EYS: variants seen among roughly 807,000 people sequenced by gnomAD.
The protein encoded by EYS is protein eyes shut homolog.
A neutral mutation model predicts 282.1 loss-of-function variants in EYS; 250 were observed. The ratio of observed to expected loss-of-function variants is 0.89; its 90% CI spans 0.80 to 0.98. The LOEUF (loss-of-function observed/expected upper bound fraction) is 0.98. EYS is among the 50% of genes least tolerant of loss of function. The pLI is 0.00. For missense variants in EYS, 4,016 were observed against 3,709.0 expected, an observed-to-expected ratio of 1.08 and a Z score of -2.15; for synonymous variants, 1,355 against 1,282.9, an observed-to-expected ratio of 1.06 and a Z score of -1.20.
chr6:64,942,476 A>G (rs372741424), intron 15 of EYS, among the ~76,000 whole-genome samples: 32 of 144,696 alleles, frequency 2.2e-4, no homozygotes, highest in African/African-American at 7.0e-4. Flanking sequence ...CACTGTCTAC[A>G]TTAACAAAGA....
chr6:64,468,998 T>C (rs1776023755), intron 26 of EYS, among the ~76,000 whole-genome samples: 1 of 152,228 alleles, frequency 6.6e-6, no homozygotes, highest in East Asian at 1.9e-4. Flanking sequence ...GGATGATTTA[T>C]ACTCCTTTGG....
chr6:64,132,578 A>G (rs1320911408), intron 31 of EYS, among the ~76,000 whole-genome samples: 1 of 152,016 alleles, frequency 6.6e-6, no homozygotes, highest in Admixed American at 6.6e-5. Flanking sequence ...TTATAGGGTG[A>G]AAGAAAGTGT....
intron 26 of EYS, among the ~76,000 whole-genome samples, chr6:64,531,569 T>TTTTATTTTATTTTA (rs1764339530): frequency 6.8e-6 from 1 of 146,692 alleles, no homozygotes; most frequent in Non-Finnish European, 1.5e-5. Flanking sequence ...TTTTATTTTA[T>TTTTATTTTATTTTA]TTTATTTTAT....
At chr6:65,311,355 T>C (rs1045637577) in intron 11 of EYS, among the ~76,000 whole-genome samples, 9 of 152,166 alleles carry the variant, frequency 5.9e-5, no homozygotes, top group Admixed American at 5.2e-4. Flanking sequence ...ATAGACCCAC[T>C]ACTCATATTT....
At position 63,811,200 on chromosome 6, in the gene EYS, C is replaced by T. The variant is rs117210805; in HGVS notation, c.7229-4828G>A. ...AGCTACTGCATGTTTCTCTGCTCAACATACTATCAAGGGGCTTCTAGAGAG... is the reference window on the plus strand; with the variant it reads ...AGCTACTGCATGTTTCTCTGCTCAATATACTATCAAGGGGCTTCTAGAGAG... On this transcript the variant is annotated intron_variant, in intron 36 of 42. Coordinates refer to ENST00000503581, the MANE Select transcript of EYS (RefSeq NM_001142800.2). 1.3e-3 allele frequency among the ~76,000 whole-genome samples: 195 copies of T among 152,364 alleles called. 7 individuals are homozygous for T. In the East Asian group the frequency reaches 0.034, roughly 26 times the overall value.
intron 33 of EYS, among the ~76,000 whole-genome samples, chr6:64,050,528 G>A (rs964288726): frequency 7.2e-5 from 11 of 152,126 alleles, no homozygotes; most frequent in African/African-American, 2.2e-4. Flanking sequence ...TTGTTTCAGT[G>A]TTATCCTAAA....
intron 2 of EYS, among the ~76,000 whole-genome samples, chr6:65,507,584 T>A (rs1255568282): frequency 1.3e-5 from 2 of 152,112 alleles, no homozygotes; most frequent in African/African-American, 4.8e-5. Context: ...TTTTTGAAAT[T>A]GTCCCACAGT....
In EYS at chr6:65,414,585, T is replaced by A. The variant is rs980813067; in HGVS notation, c.863-9218A>T. 9.9e-5 allele frequency among the ~76,000 whole-genome samples: 15 copies of A among 152,258 alleles called. No individual in the cohort carries two copies. In the East Asian group the frequency reaches 2.3e-3, roughly 24 times the overall value. On this transcript the variant is annotated intron_variant, in intron 5 of 42. Transcript: ENST00000503581. The stretch of plus-strand genomic sequence containing the variant: ...AAGGAAAAGGAAGATTTAATCTTTT[T>A]TTTTTATGTAAGTAACCAGAAAGAA...
intron 7 of EYS, among the ~76,000 whole-genome samples, chr6:65,387,117 T>A (rs1391611216): frequency 2.0e-5 from 3 of 152,060 alleles, no homozygotes; most frequent in African/African-American, 7.2e-5. Flanking sequence ...AATATCTTTC[T>A]ATTATTAGGT....
Position 63,839,085 on chromosome 6 carries a change from T to C in EYS, c.7228+25101A>G, listed in dbSNP as rs143587387. Among the ~76,000 whole-genome samples, 1,449 of 152,292 alleles carry C rather than the reference T, an allele frequency of 9.5e-3. 10 individuals are homozygous for C. The highest frequency in any genetic ancestry group is 0.016 in the Non-Finnish European group (1,070 of 68,026). ...TGTTGGGAAGAGTCAAAATCTCCTC[T>C]AGCTTTTTGAAAATATACAAAAAAT... On this transcript the variant is annotated intron_variant, in intron 36 of 42. Coordinates refer to ENST00000503581, the MANE Select transcript of EYS (RefSeq NM_001142800.2).
chr6:65,459,301 A>G (rs75189929), intron 5 of EYS, among the ~76,000 whole-genome samples: 10,006 of 152,102 alleles, frequency 0.066, 860 homozygotes, highest in African/African-American at 0.2. Flanking sequence ...ATTAGAAAAG[A>G]TGAAGCAATT....
rs1463441707 is a variant in EYS, at chr6:63,934,404, T to C, written c.7055+49979A>G. ...CCCAACCATCCCATTACTGGGTATA[T>C]ACCCAAAGGATTATAAATCATGCTG... On this transcript the variant is annotated intron_variant, in intron 35 of 42. Coordinates refer to ENST00000503581, the MANE Select transcript of EYS (RefSeq NM_001142800.2). 5.3e-5 allele frequency among the ~76,000 whole-genome samples: 8 copies of C among 152,026 alleles called. No homozygotes were observed. The South Asian group carries it at 1.2e-3, about 24-fold the overall frequency.
At chr6:64,478,105 G>C (rs1241537498) in intron 26 of EYS, among the ~76,000 whole-genome samples, 3 of 151,668 alleles carry the variant, frequency 2.0e-5, no homozygotes, top group Non-Finnish European at 4.4e-5. Context: ...TTAATATACT[G>C]AGTTTTACAT....
chr6:65,022,438 A>G (rs1273365516), intron 13 of EYS, among the ~76,000 whole-genome samples: 3 of 152,168 alleles, frequency 2.0e-5, no homozygotes, highest in African/African-American at 7.2e-5. Flanking sequence ...AGTACTGATG[A>G]TGACATCTTG....
intron 2 of EYS, among the ~76,000 whole-genome samples, chr6:65,590,835 T>G (rs1316945320): frequency 3.3e-5 from 5 of 152,004 alleles, no homozygotes; most frequent in Non-Finnish European, 7.4e-5. Flanking sequence ...CTGCATAATA[T>G]TACATTGGGT....
At chr6:63,734,021 G>T (rs1360449440) in intron 41 of EYS, among the ~76,000 whole-genome samples, 1 of 152,116 alleles carries the variant, frequency 6.6e-6, no homozygotes, top group African/African-American at 2.4e-5. Flanking sequence ...AATTAACACA[G>T]AAACAGAAAA....
At chr6:64,757,314 C>T (rs959745781) in intron 22 of EYS, among the ~76,000 whole-genome samples, 1 of 152,176 alleles carries the variant, frequency 6.6e-6, no homozygotes, top group African/African-American at 2.4e-5. Context: ...TTCTTCACTG[C>T]TCCCACACGT....
At chr6:64,333,297 A>T (rs142896406) in intron 29 of EYS, among the ~76,000 whole-genome samples, 270 of 152,258 alleles carry the variant, frequency 1.8e-3, no homozygotes, top group African/African-American at 6.3e-3. Flanking sequence ...GTATTCCCTT[A>T]CTCAAATAAA....
chr6:64,947,359 T>C (rs901869712), intron 14 of EYS, among the ~76,000 whole-genome samples: 2 of 151,892 alleles, frequency 1.3e-5, no homozygotes, highest in Non-Finnish European at 2.9e-5. Flanking sequence ...ACAGTTTAAA[T>C]GTATAAGAAG....
Sources: gnomAD v4.1 joint callset for allele counts (sites outside exome capture counted in the v4.1 genomes callset) on GRCh38, gnomAD v4.1.1 for gene constraint, MANE v1.5 for transcripts, NCBI Gene and HGNC (gene_info 2026-07-23, HGNC 2026-07-21) for gene names.